GAS7: variants seen among roughly 807,000 people sequenced by gnomAD.
GAS7 encodes growth arrest-specific protein 7.
A neutral mutation model predicts 71.1 loss-of-function variants in GAS7; 28 were observed. The observed-to-expected ratio is 0.39, with a 90% CI of 0.29 to 0.54. The LOEUF (loss-of-function observed/expected upper bound fraction) is 0.54, where lower values mean the gene tolerates loss of function less well. GAS7 is among the 20% of genes least tolerant of loss of function. The pLI, the probability that GAS7 is intolerant of heterozygous loss-of-function variation, is 0.62. For missense variants in GAS7, 436 were observed against 627.8 expected (o/e 0.69, Z 3.27); for synonymous variants, 258 against 245.8 (o/e 1.05, Z -0.46).
intron 1 of GAS7, among the ~76,000 whole-genome samples, chr17:10,166,973 C>T (rs541866624): frequency 2.0e-5 from 3 of 151,162 alleles, no homozygotes; most frequent in African/African-American, 4.9e-5. Flanking sequence ...GGACTTCACT[C>T]TGCCACTACC....
rs2067468805 is a variant in GAS7 at position 9,912,628 on chromosome 17, C to T, written c.*4600G>A. ...TGAGCACCCATCCGTCCCTTCCCCT[C>T]CCATCCCTGGATTCTTTCTGCACTA... On this transcript the variant is annotated 3_prime_UTR_variant, in exon 14 of 14. Transcript: ENST00000432992. 4.3e-6 allele frequency: 1 copy of T among 232,874 alleles called. No individual in the cohort carries two copies. Among genetic ancestry groups the T allele is most frequent in the Non-Finnish European group, 8.5e-6 (1 of 117,864 alleles). The allele number at this position is 232,874 out of a possible 1,614,324, so 14.4% of individuals were successfully genotyped here.
At chr17:10,030,144 C>A (rs1459673196) in intron 1 of GAS7, among the ~76,000 whole-genome samples, 1 of 152,164 alleles carries the variant, frequency 6.6e-6, no homozygotes, top group Non-Finnish European at 1.5e-5. Context: ...AGGGAAGGGG[C>A]CTTGGAGACC....
In GAS7 at chr17:9,959,277, A is replaced by G. The variant is rs1445628838; in HGVS notation, c.472-22T>C. 4 of 1,614,116 alleles carry G rather than the reference A, an allele frequency of 2.5e-6. No homozygotes were observed. Among genetic ancestry groups the G allele is most frequent in the Admixed American group, 1.7e-5 (1 of 60,022 alleles). Reference sequence around the variant, plus strand: ...GGTTCTGGGGAGAGAGGCAAGAAACATCGTCAAAGCTGTTCTCCATATTGG... The same window carrying G: ...GGTTCTGGGGAGAGAGGCAAGAAACGTCGTCAAAGCTGTTCTCCATATTGG... On this transcript the variant is annotated intron_variant, in intron 4 of 13. Coordinates refer to ENST00000432992, the MANE Select transcript of GAS7 (RefSeq NM_201433.2). The surrounding 1 kb of genome is among the most constrained non-coding windows in gnomAD (Gnocchi z 5.0).
At chr17:9,988,729 C>CT (rs1489259639) in intron 2 of GAS7, among the ~76,000 whole-genome samples, 1 of 152,132 alleles carries the variant, frequency 6.6e-6, no homozygotes, top group African/African-American at 2.4e-5. Context: ...ACCACAGTTT[C>CT]TCTGCAGGAA....
At position 10,153,519 on chromosome 17, in the gene GAS7, C is replaced by CAA. The variant is rs11476862; in HGVS notation, c.183+44687_183+44688dup. ...TGACAGAGTGAGACTCTTTGACTCA[C>CAA]AAAAAAAAAAAAAAAAAGAAATCAA... On this transcript the variant is annotated intron_variant, in intron 1 of 13. Transcript: ENST00000432992. Among the ~76,000 whole-genome samples the CAA allele has an allele frequency of 1.5e-3, 181 of 117,716 alleles. 2 individuals are homozygous for CAA. The highest frequency in any genetic ancestry group is 1.7e-3 in the Non-Finnish European group (97 of 55,634). 77.2% of individuals were successfully genotyped at this position (117,716 alleles called of 152,430 possible).
chr17:10,070,466 C>T (rs934901642), intron 1 of GAS7, among the ~76,000 whole-genome samples: 1 of 151,026 alleles, frequency 6.6e-6, no homozygotes, highest in Non-Finnish European at 1.5e-5. Context: ...CAGGTTCAAG[C>T]GATTCTCCTG....
At chr17:9,936,553 C>T (rs1040968297) in intron 8 of GAS7, among the ~76,000 whole-genome samples, 1 of 152,190 alleles carries the variant, frequency 6.6e-6, no homozygotes, top group Non-Finnish European at 1.5e-5. Context: ...TGTCTCCAGA[C>T]ATTCAGAGGG....
intron 1 of GAS7, among the ~76,000 whole-genome samples, chr17:10,161,890 C>T (rs1026011046): frequency 1.3e-5 from 2 of 151,934 alleles, no homozygotes; most frequent in Non-Finnish European, 2.9e-5. Flanking sequence ...CGGTGAAACC[C>T]CGTCTCTACT....
intron 6 of GAS7, among the ~76,000 whole-genome samples, chr17:9,943,622 T>C (rs2068686227): frequency 6.6e-6 from 1 of 152,208 alleles, no homozygotes; most frequent in African/African-American, 2.4e-5. Context: ...CAAGCTGGAC[T>C]ATGTGTGAGC....
intron 1 of GAS7, among the ~76,000 whole-genome samples, chr17:10,072,686 G>A (rs773565227): frequency 4.6e-5 from 7 of 152,016 alleles, no homozygotes; most frequent in East Asian, 1.9e-4. Context: ...ACCCTACCCC[G>A]ATCCACAGGA....
intron 4 of GAS7, among the ~76,000 whole-genome samples, chr17:9,962,952 C>T (rs559819546): frequency 4.6e-5 from 7 of 150,960 alleles, no homozygotes; most frequent in African/African-American, 9.7e-5. Flanking sequence ...CCTGAACCTA[C>T]GCATAAGAGA....
At position 9,913,073 on chromosome 17, in the gene GAS7, G is replaced by T. The variant is rs15814; in HGVS notation, c.*4155C>A. The T allele has an allele frequency of 0.61, 141,280 of 232,042 alleles. 44,112 individuals carry two copies. The highest frequency in any genetic ancestry group is 0.77 in the African/African-American group (35,068 of 45,272). The allele number at this position is 232,042 out of a possible 1,614,324, so 14.4% of individuals were successfully genotyped here. On this transcript the variant is annotated 3_prime_UTR_variant, in exon 14 of 14. Transcript: ENST00000432992. ...GGCAGGAGAAGGGAATTTTTTGGAG[G>T]GTTAAAAACAGGTTGATCTTGGTGA...
intron 1 of GAS7, among the ~76,000 whole-genome samples, chr17:10,025,757 G>A (rs1229647223): frequency 6.6e-6 from 1 of 152,130 alleles, no homozygotes; most frequent in Non-Finnish European, 1.5e-5. Flanking sequence ...AGAGCAGCCT[G>A]GGAGGCTGCA....
In GAS7 at chr17:9,914,177, T is replaced by A. The variant is rs554914251; in HGVS notation, c.*3051A>T. 3.0e-4 allele frequency: 67 copies of A among 222,134 alleles called. No individual in the cohort carries two copies. The East Asian group carries it at 4.3e-3, about 14-fold the overall frequency. 13.8% of individuals were successfully genotyped at this position (222,134 alleles called of 1,614,324 possible). A position where few individuals can be genotyped will look rare whatever the true frequency, so the allele number is the denominator to read the frequency against. On this transcript the variant is annotated 3_prime_UTR_variant, in exon 14 of 14. Transcript: ENST00000432992. ...GCCCTGGTCTTAATTCACTGGCAATTTCATAGCCTCACTGGTTACCCTTGA... is the reference window on the plus strand; with the variant it reads ...GCCCTGGTCTTAATTCACTGGCAATATCATAGCCTCACTGGTTACCCTTGA...
At chr17:10,181,492 G>A (rs903243825) in intron 1 of GAS7, among the ~76,000 whole-genome samples, 1 of 152,160 alleles carries the variant, frequency 6.6e-6, no homozygotes, top group South Asian at 2.1e-4. Context: ...CATGCACAGG[G>A]TACAGAAGCA....
chr17:10,153,770 C>T (rs1469065933), intron 1 of GAS7, among the ~76,000 whole-genome samples: 1 of 152,102 alleles, frequency 6.6e-6, no homozygotes, highest in Non-Finnish European at 1.5e-5. Context: ...TCCTGCAGGT[C>T]AGAGTGACCA....
At position 10,103,078 on chromosome 17, in the gene GAS7, G is replaced by C. The variant is rs1036388749; in HGVS notation, c.184-83181C>G. ...GCATTTTAACAAACCCTGACCGGAC[G>C]TAGTGGCTCACACCTGTAATCCCAG... On this transcript the variant is annotated intron_variant, in intron 1 of 13. Coordinates refer to ENST00000432992, the MANE Select transcript of GAS7 (RefSeq NM_201433.2). The surrounding 1 kb of genome is among the most constrained non-coding windows in gnomAD (Gnocchi z 5.5). Among the ~76,000 whole-genome samples, 3 of 152,152 alleles carry C rather than the reference G, an allele frequency of 2.0e-5. No individual in the cohort carries two copies. The highest frequency in any genetic ancestry group is 4.4e-5 in the Non-Finnish European group (3 of 68,036).
rs144546755 is a variant in GAS7, at chr17:10,025,918, C to T, written c.184-6021G>A. ...TGATTTGTAAAAAGACAGTGTTGGG[C>T]TGCACAGTGACTTATTAAAGAAAAA... On this transcript the variant is annotated intron_variant, in intron 1 of 13. Coordinates refer to ENST00000432992, the MANE Select transcript of GAS7 (RefSeq NM_201433.2). Among the ~76,000 whole-genome samples, 678 of 152,288 alleles carry T rather than the reference C, an allele frequency of 4.5e-3. 5 individuals are homozygous for T. Among genetic ancestry groups the T allele is most frequent in the African/African-American group, 0.015 (635 of 41,546 alleles).
Position 10,167,044 on chromosome 17 carries a change from C to CTTTTTTTTTTTTTTTTTTTT in GAS7, c.183+31144_183+31163dup, listed in dbSNP as rs1164151104. ...AAACCAATCTACTATTTCCATTTGTCTTTTTTTTTTTTTTTTTTTTTTTTT... is the reference window on the plus strand; with the variant it reads ...AAACCAATCTACTATTTCCATTTGTCTTTTTTTTTTTTTTTTTTTTTTTTTTTTTTTTTTTTTTTTTTTTT... On this transcript the variant is annotated intron_variant, in intron 1 of 13. Coordinates refer to ENST00000432992, the MANE Select transcript of GAS7 (RefSeq NM_201433.2). Among the ~76,000 whole-genome samples the CTTTTTTTTTTTTTTTTTTTT allele has an allele frequency of 2.6e-4, 15 of 58,818 alleles. 3 individuals carry two copies. Among genetic ancestry groups the CTTTTTTTTTTTTTTTTTTTT allele is most frequent in the African/African-American group, 6.5e-4 (8 of 12,300 alleles). 38.6% of individuals were successfully genotyped at this position (58,818 alleles called of 152,430 possible). A position where few individuals can be genotyped will look rare whatever the true frequency, so the allele number is the denominator to read the frequency against.
Sources: allele counts gnomAD v4.1 joint callset (sites outside exome capture counted in the v4.1 genomes callset), GRCh38; gene constraint gnomAD v4.1.1; non-coding constraint Gnocchi (gnomAD v3.1); transcripts MANE v1.5; gene names NCBI Gene and HGNC (gene_info 2026-07-23, HGNC 2026-07-21).